NSMCE2: variants seen among roughly 807,000 people sequenced by gnomAD.
NSMCE2 encodes E3 SUMO-protein ligase NSE2.
Under a neutral mutation model 23.8 loss-of-function variants are expected in NSMCE2, and 24 were observed. That is an observed-to-expected ratio of 1.01 (90% CI 0.73 to 1.42). The LOEUF is 1.42. NSMCE2 is among the 40% of genes most tolerant of loss of function. The pLI is 0.00. For synonymous variants in NSMCE2, 92 were observed against 94.1 expected, an observed-to-expected ratio of 0.98 and a Z score of 0.13; for missense variants, 284 against 296.5, an observed-to-expected ratio of 0.96 and a Z score of 0.31.
intron 1 of NSMCE2, among the ~76,000 whole-genome samples, chr8:125,093,702 G>A (rs905276447): frequency 2.0e-5 from 3 of 152,064 alleles, no homozygotes; most frequent in South Asian, 2.1e-4. Flanking sequence ...CAGTTTGGGC[G>A]ACAGAGCGAA....
At chr8:125,334,994 A>T (rs573269602) in intron 5 of NSMCE2, among the ~76,000 whole-genome samples, 1 of 151,880 alleles carries the variant, frequency 6.6e-6, no homozygotes, top group South Asian at 2.1e-4. Context: ...GGCCTCAAGC[A>T]GTCCTCCCAC....
At chr8:125,167,009 A>T (rs1821920047) in intron 4 of NSMCE2, among the ~76,000 whole-genome samples, 1 of 152,170 alleles carries the variant, frequency 6.6e-6, no homozygotes, top group Non-Finnish European at 1.5e-5. Context: ...GATGTCTCAT[A>T]AAAAGAGCAC....
At chr8:125,297,604 A>G (rs1472879938) in intron 5 of NSMCE2, among the ~76,000 whole-genome samples, 1 of 152,046 alleles carries the variant, frequency 6.6e-6, no homozygotes, top group Non-Finnish European at 1.5e-5. Context: ...GACCAGACAG[A>G]AAGATCAGTT....
At chr8:125,099,075 C>T (rs918818029) in intron 1 of NSMCE2, among the ~76,000 whole-genome samples, 1 of 152,048 alleles carries the variant, frequency 6.6e-6, no homozygotes, top group Non-Finnish European at 1.5e-5. Flanking sequence ...ATGTGCCATG[C>T]GTTGTTTTAG....
At chr8:125,288,426 T>C (rs765019105) in intron 5 of NSMCE2, among the ~76,000 whole-genome samples, 3 of 152,200 alleles carry the variant, frequency 2.0e-5, no homozygotes, top group Non-Finnish European at 2.9e-5. Flanking sequence ...CCTTCCTTCA[T>C]TCCCAGCAAT....
At chr8:125,294,557 A>G (rs1828247974) in intron 5 of NSMCE2, among the ~76,000 whole-genome samples, 1 of 152,152 alleles carries the variant, frequency 6.6e-6, no homozygotes, top group Non-Finnish European at 1.5e-5. Flanking sequence ...TAATATTGTA[A>G]TATTTATTTT....
chr8:125,109,614 GT>G (rs1818631032), intron 3 of NSMCE2, among the ~76,000 whole-genome samples: 1 of 152,124 alleles, frequency 6.6e-6, no homozygotes, highest in Non-Finnish European at 1.5e-5. Flanking sequence ...ACATTTTCCT[GT>G]TGTTGTATTA....
chr8:125,255,097 T>C (rs1826350292), intron 5 of NSMCE2, among the ~76,000 whole-genome samples: 1 of 152,028 alleles, frequency 6.6e-6, no homozygotes, highest in South Asian at 2.1e-4. Flanking sequence ...CCAGCTACCA[T>C]GCTGTGATGA....
intron 7 of NSMCE2, 39 bp downstream of exon 7, chr8:125,357,857 T>C (rs370496190): frequency 2.9e-6 from 4 of 1,394,418 alleles, no homozygotes; most frequent in East Asian, 2.3e-5. Flanking sequence ...CCTTCCCTAG[T>C]GGTAGTTACT....
chr8:125,206,740 A>T (rs1264932848), intron 5 of NSMCE2, among the ~76,000 whole-genome samples: 6 of 152,202 alleles, frequency 3.9e-5, no homozygotes, highest in African/African-American at 1.4e-4. Flanking sequence ...ACTGAATTTA[A>T]GGTGCTGGAT....
intron 5 of NSMCE2, among the ~76,000 whole-genome samples, chr8:125,290,507 T>C (rs1419301596): frequency 6.6e-6 from 1 of 152,180 alleles, no homozygotes; most frequent in Admixed American, 6.5e-5. Flanking sequence ...TCAGTTTGCC[T>C]GACCACCTGG....
intron 4 of NSMCE2, among the ~76,000 whole-genome samples, chr8:125,181,450 C>T (rs918007072): frequency 2.0e-5 from 3 of 152,050 alleles, no homozygotes; most frequent in African/African-American, 4.8e-5. Context: ...AATTGTGGCA[C>T]CTAGGAAGTA....
chr8:125,170,916 T>C (rs1822170586), intron 4 of NSMCE2, among the ~76,000 whole-genome samples: 1 of 152,020 alleles, frequency 6.6e-6, no homozygotes, highest in Admixed American at 6.6e-5. Context: ...AAATCAGAGG[T>C]TTTTACTACT....
chr8:125,153,991 C>T (rs943173301), intron 4 of NSMCE2, among the ~76,000 whole-genome samples: 4 of 152,096 alleles, frequency 2.6e-5, no homozygotes, highest in Non-Finnish European at 4.4e-5. Context: ...TAAATTATTG[C>T]ACAAGGTGTT....
intron 3 of NSMCE2, among the ~76,000 whole-genome samples, chr8:125,126,275 G>A (rs999089354): frequency 6.6e-6 from 1 of 151,812 alleles, no homozygotes; most frequent in Non-Finnish European, 1.5e-5. Flanking sequence ...AGGAGGCCGA[G>A]GCAGGAGAAT....
chr8:125,210,220 A>T (rs568822229), intron 5 of NSMCE2, among the ~76,000 whole-genome samples: 2 of 152,234 alleles, frequency 1.3e-5, no homozygotes, highest in African/African-American at 4.8e-5. Flanking sequence ...GAATTTATAT[A>T]TGAAAGTCAT....
At chr8:125,270,358 G>C (rs563395932) in intron 5 of NSMCE2, among the ~76,000 whole-genome samples, 1 of 152,212 alleles carries the variant, frequency 6.6e-6, no homozygotes, top group African/African-American at 2.4e-5. Context: ...CCAGCTACTC[G>C]GGAGGCTAAG....
At chr8:125,154,638 A>G (rs1821216064) in intron 4 of NSMCE2, among the ~76,000 whole-genome samples, 1 of 152,156 alleles carries the variant, frequency 6.6e-6, no homozygotes, top group Non-Finnish European at 1.5e-5. Context: ...AATGGGTTTT[A>G]TACCTGTCAC....
intron 3 of NSMCE2, among the ~76,000 whole-genome samples, chr8:125,113,513 T>G (rs1818861814): frequency 6.6e-6 from 1 of 152,052 alleles, no homozygotes; most frequent in South Asian, 2.1e-4. Context: ...TATAGTTAAA[T>G]GGGTAAAAAG....
Sources: gnomAD v4.1 joint callset for allele counts (sites outside exome capture counted in the v4.1 genomes callset) on GRCh38, gnomAD v4.1.1 for gene constraint, MANE v1.5 for transcripts, NCBI Gene and HGNC (gene_info 2026-07-23, HGNC 2026-07-21) for gene names.